Variants in TTC7B observed in about 807,000 individuals in gnomAD.
The protein encoded by TTC7B is tetratricopeptide repeat domain 7B, also known as tetratricopeptide repeat protein 7B.
TTC7B carries 28 observed loss-of-function variants against 106.8 expected under a neutral mutation model. The observed-to-expected ratio is 0.26, with a 90% CI of 0.19 to 0.36. The LOEUF (loss-of-function observed/expected upper bound fraction) is 0.36, where lower values mean the gene tolerates loss of function less well. Ranked by LOEUF, TTC7B falls within the 10% of genes least tolerant of loss-of-function variation. The pLI, the probability that TTC7B is intolerant of heterozygous loss-of-function variation, is 1.00. For missense variants in TTC7B, 862 were observed against 1,076.4 expected (o/e 0.80, Z 2.79); for synonymous variants, 405 against 430.6 (o/e 0.94, Z 0.74).
intron 19 of TTC7B, among the ~76,000 whole-genome samples, chr14:90,576,673 C>G (rs1891272306): frequency 6.6e-6 from 1 of 152,216 alleles, no homozygotes. Context: ...CCCCAGGAGT[C>G]AGGACCAGGG....
At chr14:90,752,557 C>T (rs1890169077) in intron 3 of TTC7B, among the ~76,000 whole-genome samples, 1 of 152,194 alleles carries the variant, frequency 6.6e-6, no homozygotes, top group African/African-American at 2.4e-5. Flanking sequence ...TGAGATCCCT[C>T]AGCTAGGAGC....
chr14:90,547,672 T>C (rs756164214), intron 19 of TTC7B, among the ~76,000 whole-genome samples: 10 of 152,110 alleles, frequency 6.6e-5, no homozygotes, highest in African/African-American at 2.4e-4. Flanking sequence ...CTGGCGCACA[T>C]TGTGATCCCA....
chr14:90,816,361 G>T lies in TTC7B; in HGVS notation c.-66C>A, dbSNP rs2031192126. ...ACCGCCGCCGCCGCGGCGCCCCCTC[G>T]CCGCCTCCCGCCGCCGCCGCGGGCT... is the stretch of plus-strand genomic sequence containing the variant. On this transcript the variant is annotated 5_prime_UTR_variant, in exon 1 of 20. Coordinates refer to ENST00000328459, the MANE Select transcript of TTC7B (RefSeq NM_001010854.2). 50 of 850,504 alleles carry T rather than the reference G, an allele frequency of 5.9e-5. No homozygotes were observed. Among genetic ancestry groups the T allele is most frequent in the Non-Finnish European group, 7.0e-5 (50 of 710,330 alleles). 52.7% of individuals were successfully genotyped at this position (850,504 alleles called of 1,614,324 possible). A position where few individuals can be genotyped will look rare whatever the true frequency, so the allele number is the denominator to read the frequency against.
At chr14:90,776,999 GC>G (rs1486410201) in intron 3 of TTC7B, among the ~76,000 whole-genome samples, 1 of 152,194 alleles carries the variant, frequency 6.6e-6, no homozygotes, top group Non-Finnish European at 1.5e-5. Context: ...ACTTTGGGAG[GC>G]CGAGGTGGGT....
intron 1 of TTC7B, among the ~76,000 whole-genome samples, chr14:90,791,670 C>G (rs1158790583): frequency 6.6e-6 from 1 of 152,058 alleles, no homozygotes; most frequent in Non-Finnish European, 1.5e-5. Context: ...GGCTTGCCCG[C>G]CAGTCCCTGT....
At chr14:90,799,395 C>G (rs1011044095) in intron 1 of TTC7B, among the ~76,000 whole-genome samples, 1 of 152,206 alleles carries the variant, frequency 6.6e-6, no homozygotes, top group African/African-American at 2.4e-5. Context: ...TCTCTACCCT[C>G]AAGGACCTTA....
At chr14:90,756,406 T>G (rs1890303741) in intron 3 of TTC7B, among the ~76,000 whole-genome samples, 1 of 151,346 alleles carries the variant, frequency 6.6e-6, no homozygotes. Flanking sequence ...TGTTTTTTTG[T>G]TTTTTTGAGA....
At chr14:90,733,525 C>A (rs960186935) in intron 4 of TTC7B, among the ~76,000 whole-genome samples, 12 of 152,230 alleles carry the variant, frequency 7.9e-5, no homozygotes, top group Non-Finnish European at 1.8e-4. Context: ...GCATCTTGAA[C>A]TTAATCCCTT....
chr14:90,809,836 G>A (rs1023179564), intron 1 of TTC7B, among the ~76,000 whole-genome samples: 12 of 152,256 alleles, frequency 7.9e-5, no homozygotes, highest in African/African-American at 2.7e-4. Flanking sequence ...GGTGGAGTAG[G>A]GGAGGGAAAC....
At position 90,532,843 on chromosome 14, in the gene TTC7B, C is replaced by A. The variant is rs1374326335; in HGVS notation, c.*8525G>T. 6.6e-6 allele frequency: 1 copy of A among 152,178 alleles called. No individual in the cohort carries two copies. Among genetic ancestry groups the A allele is most frequent in the East Asian group, 1.9e-4 (1 of 5,190 alleles). 9.4% of individuals were successfully genotyped at this position (152,178 alleles called of 1,614,324 possible). A position where few individuals can be genotyped will look rare whatever the true frequency, so the allele number is the denominator to read the frequency against. On this transcript the variant is annotated 3_prime_UTR_variant, in exon 20 of 20. Coordinates refer to ENST00000328459, the MANE Select transcript of TTC7B (RefSeq NM_001010854.2). ...TGGGTGCTCAGGAAGCCTCCATGGG[C>A]TTGGGGAGGTCATTTTCCTGGTAGC... is the stretch of plus-strand genomic sequence containing the variant.
chr14:90,654,111 A>G (rs1276518821), intron 12 of TTC7B, among the ~76,000 whole-genome samples: 1 of 152,184 alleles, frequency 6.6e-6, no homozygotes, highest in Non-Finnish European at 1.5e-5. Context: ...CAAAACCATA[A>G]AGAAAAAATG....
intron 17 of TTC7B, chr14:90,605,810 AAC>A (rs1443910373): frequency 8.4e-7 from 1 of 1,187,110 alleles, no homozygotes; most frequent in Non-Finnish European, 1.1e-6. Flanking sequence ...AAACTTTAGA[AAC>A]ACAAAGAAAA....
intron 19 of TTC7B, among the ~76,000 whole-genome samples, chr14:90,572,115 A>G (rs1317836073): frequency 6.6e-6 from 1 of 152,220 alleles, no homozygotes; most frequent in Admixed American, 6.5e-5. Context: ...TAATTTAGCA[A>G]TGCCAGGCAA....
intron 1 of TTC7B, among the ~76,000 whole-genome samples, chr14:90,789,375 G>A (rs963064844): frequency 6.6e-6 from 1 of 152,100 alleles, no homozygotes; most frequent in Non-Finnish European, 1.5e-5. Context: ...TGGGATTACA[G>A]GCATGAGCCA....
At chr14:90,701,079 A>G (rs1186680632) in intron 5 of TTC7B, among the ~76,000 whole-genome samples, 5 of 151,920 alleles carry the variant, frequency 3.3e-5, no homozygotes, top group African/African-American at 2.4e-5. Context: ...CAAACCCACA[A>G]CCTTGGCCTC....
intron 5 of TTC7B, among the ~76,000 whole-genome samples, chr14:90,705,782 C>A (rs1888181616): frequency 6.6e-6 from 1 of 152,158 alleles, no homozygotes; most frequent in Non-Finnish European, 1.5e-5. Context: ...ATAGCCTTGT[C>A]CACTTTTTTT....
intron 9 of TTC7B, among the ~76,000 whole-genome samples, chr14:90,668,116 A>AC (rs1348676366): frequency 2.2e-5 from 2 of 91,420 alleles, no homozygotes; most frequent in South Asian, 7.9e-4. Context: ...AATAAGACCA[A>AC]CCAAAAAAAA....
intron 3 of TTC7B, among the ~76,000 whole-genome samples, chr14:90,760,767 G>A (rs1259519669): frequency 6.6e-6 from 1 of 152,160 alleles, no homozygotes; most frequent in Non-Finnish European, 1.5e-5. Flanking sequence ...ATGAGCTTCA[G>A]CCACTCCTGG....
At chr14:90,622,963 G>A (rs1432890275) in intron 15 of TTC7B, among the ~76,000 whole-genome samples, 2 of 152,076 alleles carry the variant, frequency 1.3e-5, no homozygotes, top group African/African-American at 4.8e-5. Flanking sequence ...GCCGTGGTCA[G>A]CTTCCCCCAT....
Sources: gnomAD v4.1 joint callset for allele counts (sites outside exome capture counted in the v4.1 genomes callset) on GRCh38, gnomAD v4.1.1 for gene constraint, MANE v1.5 for transcripts, NCBI Gene and HGNC (gene_info 2026-07-23, HGNC 2026-07-21) for gene names.